The following L3MBTL3 variants were observed in gnomAD, a reference collection of about 807,000 sequenced individuals.
The protein encoded by L3MBTL3 is L3MBTL histone methyl-lysine binding protein 3.
Under a neutral mutation model 102.3 loss-of-function variants are expected in L3MBTL3, and 27 were observed. That is an observed-to-expected ratio of 0.26 (90% confidence interval 0.19 to 0.36). L3MBTL3 has a LOEUF of 0.36. Ranked by LOEUF, L3MBTL3 falls within the 10% of genes least tolerant of loss-of-function variation. The pLI is 1.00. For synonymous variants in L3MBTL3, 340 were observed against 320.9 expected, an observed-to-expected ratio of 1.06 and a Z score of -0.64; for missense variants, 798 against 955.3, an observed-to-expected ratio of 0.84 and a Z score of 2.17.
At chr6:130,092,573 G>C (rs1286493059) in intron 16 of L3MBTL3, among the ~76,000 whole-genome samples, 172 bp from the exon 17 acceptor site, 1 of 152,140 alleles carries the variant, frequency 6.6e-6, no homozygotes, top group East Asian at 1.9e-4. Context: ...GTGGTTCAAA[G>C]ATGTCTTTTT....
intron 16 of L3MBTL3, 57 bp from the exon 17 acceptor site, chr6:130,092,688 T>G (rs1784132263): frequency 2.8e-6 from 3 of 1,066,532 alleles, no homozygotes; most frequent in Non-Finnish European, 4.4e-6. Context: ...GGCAGAACTT[T>G]GACTGTAGGA....
chr6:130,125,555 T>C (rs191324950), intron 20 of L3MBTL3, among the ~76,000 whole-genome samples: 208 of 152,312 alleles, frequency 1.4e-3, no homozygotes, highest in South Asian at 5.0e-3. Context: ...GAACACTAAA[T>C]GCTTAATGTT....
intron 3 of L3MBTL3, among the ~76,000 whole-genome samples, chr6:130,046,086 T>A (rs1417969024): frequency 6.6e-6 from 1 of 152,172 alleles, no homozygotes; most frequent in Non-Finnish European, 1.5e-5. Flanking sequence ...ACTGAGCAGT[T>A]TCCCTACCTG....
At chr6:130,046,841 TA>T (rs1240166845) in intron 3 of L3MBTL3, among the ~76,000 whole-genome samples, 1 of 152,220 alleles carries the variant, frequency 6.6e-6, no homozygotes, top group Admixed American at 6.5e-5. Context: ...CTGGGTGTTT[TA>T]TTGGAAAACA....
chr6:130,121,084 T>C (rs1786147990), intron 20 of L3MBTL3, 126 bp downstream of exon 20: 1 of 646,008 alleles, frequency 1.5e-6, no homozygotes, highest in Admixed American at 3.2e-5. Context: ...TTTTATTGTT[T>C]TATTTTAGGT....
At chr6:130,127,148 G>A (rs920244289) in intron 20 of L3MBTL3, among the ~76,000 whole-genome samples, 4 of 152,172 alleles carry the variant, frequency 2.6e-5, no homozygotes, top group Non-Finnish European at 5.9e-5. Context: ...GAGAAGAATA[G>A]ATGAAAAGTC....
intron 2 of L3MBTL3, among the ~76,000 whole-genome samples, chr6:130,030,401 G>A (rs879890848): frequency 3.3e-5 from 5 of 151,776 alleles, no homozygotes; most frequent in African/African-American, 4.8e-5. Context: ...GGTGGCTCAC[G>A]CCTGTAATCC....
At chr6:130,055,974 C>G (rs958035935) in intron 8 of L3MBTL3, among the ~76,000 whole-genome samples, 1 of 149,024 alleles carries the variant, frequency 6.7e-6, no homozygotes, top group African/African-American at 2.5e-5. Context: ...GTCACCCAGG[C>G]TGAAGTATGG....
chr6:130,062,090 TATG>T (rs1447945962), intron 10 of L3MBTL3, among the ~76,000 whole-genome samples: 2 of 152,228 alleles, frequency 1.3e-5, no homozygotes, highest in African/African-American at 2.4e-5. Flanking sequence ...AGGGAATTTT[TATG>T]ATATGTGTCT....
At chr6:130,092,674 T>C in intron 16 of L3MBTL3, 71 bp from the exon 17 acceptor site, 2 of 865,218 alleles carry the variant, frequency 2.3e-6, no homozygotes, top group Non-Finnish European at 2.0e-6. Flanking sequence ...ATGGTTATGC[T>C]GTGGGCAGAA....
chr6:130,059,570 CA>C (rs2114885546), intron 9 of L3MBTL3, among the ~76,000 whole-genome samples: 1 of 152,310 alleles, frequency 6.6e-6, no homozygotes. Flanking sequence ...ATCTCTTGGA[CA>C]ATTTCCTAGA....
chr6:130,115,303 C>G (rs1037169316), intron 19 of L3MBTL3, among the ~76,000 whole-genome samples: 6 of 152,168 alleles, frequency 3.9e-5, no homozygotes, highest in Non-Finnish European at 8.8e-5. Context: ...GTCTCTGATG[C>G]TGGGCCAGCA....
intron 18 of L3MBTL3, among the ~76,000 whole-genome samples, chr6:130,096,620 C>T (rs552987586): frequency 4.7e-4 from 72 of 152,268 alleles, no homozygotes; most frequent in East Asian, 5.8e-4. Context: ...ACAGTTGTGT[C>T]CCCTCCCTGA....
intron 11 of L3MBTL3, among the ~76,000 whole-genome samples, chr6:130,067,671 G>C (rs570130175): frequency 6.6e-6 from 1 of 152,114 alleles, no homozygotes; most frequent in African/African-American, 2.4e-5. Context: ...TCTTATATAT[G>C]GTAAATTATT....
chr6:130,122,278 T>C (rs1429012532), intron 20 of L3MBTL3, among the ~76,000 whole-genome samples: 1 of 152,228 alleles, frequency 6.6e-6, no homozygotes, highest in South Asian at 2.1e-4. Context: ...ATGCTTTGAT[T>C]TCCATATCTG....
In L3MBTL3 at chr6:130,072,714, G is replaced by C. The variant is rs185557704; in HGVS notation, c.1244+1587G>C. Among the ~76,000 whole-genome samples, 35 of 152,232 alleles carry C rather than the reference G, an allele frequency of 2.3e-4. 1 individual carries two copies. The highest frequency in any genetic ancestry group is 7.7e-4 in the African/African-American group (32 of 41,550). ...TGGGATTGTTTCGAAATCAGTGACA[G>C]ATATCAGAGCATTTCAGTATATATC... On this transcript the variant is annotated intron_variant, in intron 13 of 22. Transcript: ENST00000361794.
At chr6:130,104,387 T>A (rs1432794105) in intron 18 of L3MBTL3, 39 bp from the exon 19 acceptor site, 4 of 1,442,776 alleles carry the variant, frequency 2.8e-6, no homozygotes, top group South Asian at 1.5e-5. Flanking sequence ...ATGGAAATGT[T>A]CAATGTTCTT....
chr6:130,042,472 A>G (rs1003664868), intron 2 of L3MBTL3, among the ~76,000 whole-genome samples: 7 of 152,152 alleles, frequency 4.6e-5, no homozygotes, highest in African/African-American at 1.4e-4. Context: ...TAACTAAGAC[A>G]TTTTTATTAA....
Position 130,092,792 on chromosome 6 carries a change from A to G in L3MBTL3, c.1566A>G (p.Ala522=). The part of the protein sequence containing the change: ...WNNCYDYWID[A]DSPDIHPVGW... ...ATTGCTATGATTACTGGATAGATGC[A>G]GATTCTCCTGATATTCACCCTGTAG... Residue 522 remains alanine, a synonymous_variant, in exon 17 of 23, where the codon GCA becomes GCG. Transcript: ENST00000361794. The G allele has an allele frequency of 6.2e-7, 1 of 1,613,462 alleles. No homozygotes were observed. Among genetic ancestry groups the G allele is most frequent in the Non-Finnish European group, 8.5e-7 (1 of 1,179,484 alleles).
Sources: allele counts gnomAD v4.1 joint callset (sites outside exome capture counted in the v4.1 genomes callset), GRCh38; gene constraint gnomAD v4.1.1; transcripts MANE v1.5; gene names NCBI Gene and HGNC (gene_info 2026-07-23, HGNC 2026-07-21).